MROH2B: variants seen among roughly 807,000 people sequenced by gnomAD.
The protein encoded by MROH2B is maestro heat-like repeat-containing protein family member 2B.
MROH2B carries 177 observed loss-of-function variants against 208.6 expected under a neutral mutation model. The observed-to-expected ratio is 0.85, with a 90% CI of 0.75 to 0.96. The LOEUF is 0.96. Ranked by LOEUF, MROH2B falls within the 40% of genes least tolerant of loss-of-function variation. MROH2B has a pLI of 0.00. For synonymous variants in MROH2B, 728 were observed against 659.0 expected (o/e 1.10, Z -1.60); for missense variants, 2,002 against 1,878.7 (o/e 1.07, Z -1.21).
intron 37 of MROH2B, among the ~76,000 whole-genome samples, chr5:41,003,968 C>G (rs769726937): frequency 5.3e-5 from 8 of 152,176 alleles, no homozygotes; most frequent in Non-Finnish European, 1.0e-4. Flanking sequence ...AAAGGCCAGA[C>G]AGTAAATAGT....
chr5:41,042,239 T>A, intron 18 of MROH2B, 31 bp from the exon 19 acceptor site: 1 of 1,361,406 alleles, frequency 7.3e-7, no homozygotes, highest in Non-Finnish European at 1.0e-6. Context: ...AACAGGATTT[T>A]AAGGGTTGGA....
chr5:41,012,776 C>A, intron 29 of MROH2B, 41 bp from the exon 30 acceptor site: 1 of 1,608,188 alleles, frequency 6.2e-7, no homozygotes, highest in South Asian at 1.1e-5. Flanking sequence ...TCAACCACCC[C>A]ATTTTATATC....
intron 12 of MROH2B, 140 bp downstream of exon 12, chr5:41,052,325 A>AT (rs1231333669): frequency 2.2e-5 from 17 of 760,562 alleles, no homozygotes; most frequent in African/African-American, 1.1e-4. Flanking sequence ...GTTATTTTTA[A>AT]TTTTTTTAAA....
chr5:41,036,159 A>T (rs1225218051), intron 21 of MROH2B, among the ~76,000 whole-genome samples: 4 of 151,776 alleles, frequency 2.6e-5, no homozygotes, highest in Admixed American at 2.6e-4. Context: ...CACACCCCAC[A>T]TTTATACATA....
intron 22 of MROH2B, 90 bp from the exon 23 acceptor site, chr5:41,033,250 C>A: frequency 6.6e-7 from 1 of 1,514,094 alleles, no homozygotes; most frequent in Non-Finnish European, 8.9e-7. Context: ...AATATGTTCC[C>A]AGACAGGAGT....
At position 41,024,627 on chromosome 5, in the gene MROH2B, A is replaced by G. The variant is rs530614410; in HGVS notation, c.2442-5609T>C. ...CACTGTCAACATTAGACAGATCAAT[A>G]AGACAGAAAGTTAACAAGGATATCC... On this transcript the variant is annotated intron_variant, in intron 24 of 41. Transcript: ENST00000399564. Among the ~76,000 whole-genome samples, 488 of 152,178 alleles carry G rather than the reference A, an allele frequency of 3.2e-3. 2 individuals are homozygous for G. Among genetic ancestry groups the G allele is most frequent in the African/African-American group, 0.011 (462 of 41,536 alleles).
At chr5:41,031,828 T>C (rs570177788) in intron 24 of MROH2B, among the ~76,000 whole-genome samples, 7 of 152,070 alleles carry the variant, frequency 4.6e-5, no homozygotes, top group African/African-American at 1.7e-4. Flanking sequence ...ATAAAATTAG[T>C]GGTATTTGGT....
intron 24 of MROH2B, among the ~76,000 whole-genome samples, chr5:41,024,352 A>G (rs1742272037): frequency 6.6e-6 from 1 of 152,198 alleles, no homozygotes. Context: ...ATACCAAGCA[A>G]ATGGAAAACA....
intron 21 of MROH2B, among the ~76,000 whole-genome samples, chr5:41,035,727 C>T (rs986112036): frequency 3.3e-5 from 5 of 152,102 alleles, no homozygotes; most frequent in Admixed American, 2.6e-4. Context: ...TGCTCATCAT[C>T]ACTAACCATC....
At chr5:41,015,328 T>C (rs1579912148) in intron 29 of MROH2B, 53 bp downstream of exon 29, 13 of 1,503,492 alleles carry the variant, frequency 8.6e-6, no homozygotes, top group Non-Finnish European at 1.1e-5. Context: ...AGCTTACTCA[T>C]TTGGAAATCA....
chr5:41,056,197 G>A (rs535891553), intron 9 of MROH2B, among the ~76,000 whole-genome samples: 53 of 152,274 alleles, frequency 3.5e-4, no homozygotes, highest in Non-Finnish European at 6.5e-4. Flanking sequence ...GAGACATGGG[G>A]CACAGTGAGA....
At position 41,052,647 on chromosome 5, in the gene MROH2B, C is replaced by T; in HGVS notation, c.1108-60G>A. On this transcript the variant is annotated intron_variant, in intron 11 of 41. Transcript: ENST00000399564. ...TATGTTTTGCAGAAGGGAAATTTAC[C>T]TTATTTTATTCTATAATCTTAAGGA... The T allele has an allele frequency of 5.5e-6, 8 of 1,450,190 alleles. No homozygotes were observed. In the South Asian group the frequency reaches 1.0e-4, roughly 18 times the overall value. The allele number at this position is 1,450,190 out of a possible 1,614,324, so 89.8% of individuals were successfully genotyped here.
chr5:41,008,593 A>C lies in MROH2B; in HGVS notation c.3608+13T>G. On this transcript the variant is annotated intron_variant, in intron 33 of 41. Coordinates refer to ENST00000399564, the MANE Select transcript of MROH2B (RefSeq NM_173489.5). ...GGACCACTGTGGAAGATGCTTCCTGATTGGCCGTTTACCTGCAGGGGTCTG... is the reference window on the plus strand; with the variant it reads ...GGACCACTGTGGAAGATGCTTCCTGCTTGGCCGTTTACCTGCAGGGGTCTG... 1 of 1,612,476 alleles carries C rather than the reference A, an allele frequency of 6.2e-7. No homozygotes were observed.
At position 41,004,400 on chromosome 5, in the gene MROH2B, G is replaced by C; in HGVS notation, c.4140C>G (p.Asp1380Glu). ...KKILELLTDR[D>E]VSFYFKEIVL... ...CTATTTCCTTGAAGTAGAAGCTCACGTCTCGGTCTGTCAGCAGCTCCAGGA... is the reference window on the plus strand; with the variant it reads ...CTATTTCCTTGAAGTAGAAGCTCACCTCTCGGTCTGTCAGCAGCTCCAGGA... Residue 1380 changes from aspartate to glutamate, a missense_variant, in exon 37 of 42, where the codon GAC becomes GAG. Transcript: ENST00000399564. 6.2e-7 allele frequency: 1 copy of C among 1,613,982 alleles called. No homozygotes were observed. The highest frequency in any genetic ancestry group is 8.5e-7 in the Non-Finnish European group (1 of 1,179,872).
intron 24 of MROH2B, among the ~76,000 whole-genome samples, chr5:41,030,369 T>A (rs148995919): frequency 1.3e-5 from 2 of 151,920 alleles, no homozygotes; most frequent in African/African-American, 4.8e-5. Context: ...TAATCCCTTT[T>A]ACAACAGCTG....
chr5:41,007,321 G>A lies in MROH2B; in HGVS notation c.3742C>T (p.Leu1248=). 1 of 1,422,408 alleles carries A rather than the reference G, an allele frequency of 7.0e-7. No individual in the cohort carries two copies. The highest frequency in any genetic ancestry group is 9.3e-7 in the Non-Finnish European group (1 of 1,080,352). The allele number at this position is 1,422,408 out of a possible 1,614,324, so 88.1% of individuals were successfully genotyped here. The stretch of plus-strand genomic sequence containing the variant: ...AGAAAAAGTGCACATTACCTGGCCA[G>A]TGAACATACGCCTATGTGGTGGGTA... ...PSTHHIGVCS[L]ARSMAVWQHG... is the part of the protein sequence containing the mutation. The change falls in exon 34 of 42, where the codon CTG becomes TTG. Residue 1248 remains leucine, a synonymous_variant. Coordinates refer to ENST00000399564, the MANE Select transcript of MROH2B (RefSeq NM_173489.5).
chr5:41,032,807 G>GC lies in MROH2B; in HGVS notation c.2375_2376insG (p.Asp792GlufsTer9), dbSNP rs777670224. The GC allele has an allele frequency of 6.2e-7, 1 of 1,611,902 alleles. No homozygotes were observed. Among genetic ancestry groups the GC allele is most frequent in the South Asian group, 1.1e-5 (1 of 90,706 alleles). Reference sequence around the variant, plus strand: ...GGCTAGCTAAGGAATCCAGGGGCTCGTCTCTAATGAAGTCCTGAAACATAA... The same window carrying GC: ...GGCTAGCTAAGGAATCCAGGGGCTCGCTCTCTAATGAAGTCCTGAAACATAA... On this transcript the variant is annotated frameshift_variant, in exon 24 of 42. Transcript: ENST00000399564. LOFTEE classifies it high-confidence loss of function.
At chr5:41,040,745 C>T (rs1742919281) in intron 19 of MROH2B, among the ~76,000 whole-genome samples, 1 of 152,144 alleles carries the variant, frequency 6.6e-6, no homozygotes, top group Non-Finnish European at 1.5e-5. Context: ...CGGCTCACTG[C>T]AACCTCCCCT....
At chr5:41,069,516 A>T (rs1743917359) in intron 2 of MROH2B, among the ~76,000 whole-genome samples, 175 bp downstream of exon 2, 1 of 152,194 alleles carries the variant, frequency 6.6e-6, no homozygotes, top group African/African-American at 2.4e-5. Context: ...TGAAATGCCA[A>T]ATATCATTGC....
Sources: allele counts gnomAD v4.1 joint callset (sites outside exome capture counted in the v4.1 genomes callset), GRCh38; gene constraint gnomAD v4.1.1; transcripts MANE v1.5; gene names NCBI Gene and HGNC (gene_info 2026-07-23, HGNC 2026-07-21).